Variants in PRKG1 observed in about 807,000 individuals in gnomAD.
PRKG1 encodes cGMP-dependent protein kinase 1.
A neutral mutation model predicts 88.1 loss-of-function variants in PRKG1; 35 were observed. The ratio of observed to expected loss-of-function variants is 0.40; its 90% CI spans 0.30 to 0.53. The LOEUF (loss-of-function observed/expected upper bound fraction) is 0.53. Among genes scored for constraint, PRKG1 ranks in the 20% least tolerant of loss-of-function variants. The pLI, the probability that PRKG1 is intolerant of heterozygous loss-of-function variation, is 0.59. For synonymous variants in PRKG1, 303 were observed against 292.5 expected, an observed-to-expected ratio of 1.04 and a Z score of -0.37; for missense variants, 540 against 839.8, an observed-to-expected ratio of 0.64 and a Z score of 4.41.
At chr10:52,031,443 T>A (rs922596322) in intron 5 of PRKG1, among the ~76,000 whole-genome samples, 1 of 152,190 alleles carries the variant, frequency 6.6e-6, no homozygotes, top group Non-Finnish European at 1.5e-5. Flanking sequence ...TTACTAACCA[T>A]AAACAGGGCT....
chr10:51,163,465 G>A (rs1388069651), intron 2 of PRKG1, among the ~76,000 whole-genome samples: 2 of 152,204 alleles, frequency 1.3e-5, no homozygotes, highest in African/African-American at 4.8e-5. Flanking sequence ...GAGCGACGCA[G>A]AAGACGGGTG....
intron 4 of PRKG1, among the ~76,000 whole-genome samples, chr10:51,827,761 T>C (rs1839912301): frequency 6.6e-6 from 1 of 152,170 alleles, no homozygotes; most frequent in Admixed American, 6.6e-5. Flanking sequence ...AACAAGGAAC[T>C]GGATCTGTCA....
intron 3 of PRKG1, among the ~76,000 whole-genome samples, chr10:51,798,207 T>C (rs532031873): frequency 6.6e-5 from 10 of 152,158 alleles, no homozygotes; most frequent in African/African-American, 1.9e-4. Context: ...ATGTTTAATT[T>C]TCTCAGGAAC....
chr10:51,041,762 G>A (rs1213177563), intron 1 of PRKG1, among the ~76,000 whole-genome samples: 1 of 152,160 alleles, frequency 6.6e-6, no homozygotes, highest in African/African-American at 2.4e-5. Context: ...AAATCAGAAT[G>A]TTACTGAGAA....
intron 3 of PRKG1, among the ~76,000 whole-genome samples, chr10:51,592,869 G>C (rs1014760528): frequency 9.2e-5 from 14 of 152,130 alleles, no homozygotes; most frequent in African/African-American, 3.1e-4. Flanking sequence ...CACAAGTATT[G>C]ACTAGTAAAT....
chr10:51,562,934 A>AT (rs1260246786), intron 3 of PRKG1, among the ~76,000 whole-genome samples: 8 of 121,766 alleles, frequency 6.6e-5, no homozygotes, highest in Admixed American at 3.4e-4. Context: ...ATGCCCAGCT[A>AT]TTTTTTTTAT....
intron 2 of PRKG1, among the ~76,000 whole-genome samples, chr10:51,414,290 G>A (rs1838180584): frequency 1.3e-5 from 2 of 152,214 alleles, no homozygotes; most frequent in South Asian, 4.1e-4. Context: ...GTAGGTCCAA[G>A]GGGACAAACA....
At chr10:51,504,810 C>T (rs532612865) in intron 3 of PRKG1, among the ~76,000 whole-genome samples, 1 of 152,152 alleles carries the variant, frequency 6.6e-6, no homozygotes, top group Admixed American at 6.6e-5. Context: ...GTGATTTTTG[C>T]ACATTGATTT....
intron 1 of PRKG1, among the ~76,000 whole-genome samples, chr10:51,113,663 A>G (rs1425052385): frequency 6.6e-6 from 1 of 151,460 alleles, no homozygotes; most frequent in Non-Finnish European, 1.5e-5. Context: ...GTTGTATATA[A>G]GTAGAAAGGA....
chr10:52,075,813 C>A (rs1348176559), intron 7 of PRKG1, among the ~76,000 whole-genome samples: 1 of 152,098 alleles, frequency 6.6e-6, no homozygotes, highest in Non-Finnish European at 1.5e-5. Context: ...TCAGTGAATT[C>A]ATGTAGAGAG....
At chr10:51,155,819 C>T (rs1846195290) in intron 2 of PRKG1, among the ~76,000 whole-genome samples, 1 of 151,848 alleles carries the variant, frequency 6.6e-6, no homozygotes, top group African/African-American at 2.4e-5. Context: ...GGATGAGGCT[C>T]GCCCACATTA....
intron 5 of PRKG1, among the ~76,000 whole-genome samples, chr10:51,992,478 G>GTAAGAACTA (rs1222390761): frequency 6.6e-6 from 1 of 151,986 alleles, no homozygotes; most frequent in Admixed American, 6.6e-5. Flanking sequence ...TAAGACCTCC[G>GTAAGAACTA]TAAGAACTAT....
intron 1 of PRKG1, among the ~76,000 whole-genome samples, chr10:51,050,249 G>C (rs755738965): frequency 6.6e-6 from 1 of 151,622 alleles, no homozygotes; most frequent in South Asian, 2.1e-4. Context: ...ACTATTCTGC[G>C]CCTCTAGACC....
At chr10:51,608,820 T>G (rs1453855519) in intron 3 of PRKG1, among the ~76,000 whole-genome samples, 1 of 152,192 alleles carries the variant, frequency 6.6e-6, no homozygotes, top group Non-Finnish European at 1.5e-5. Flanking sequence ...GGTGACATCT[T>G]GATGACCCTG....
chr10:51,318,553 G>A (rs1782396164), intron 2 of PRKG1, among the ~76,000 whole-genome samples: 1 of 152,096 alleles, frequency 6.6e-6, no homozygotes, highest in South Asian at 2.1e-4. Context: ...TACTGAAGAG[G>A]ATCACATAAA....
chr10:51,599,192 C>G (rs138949589), intron 3 of PRKG1, among the ~76,000 whole-genome samples: 376 of 152,150 alleles, frequency 2.5e-3, no homozygotes, highest in African/African-American at 8.5e-3. Flanking sequence ...TTTGGTTACC[C>G]TCTTCTCCCC....
At chr10:51,827,650 A>T (rs1589326787) in intron 4 of PRKG1, among the ~76,000 whole-genome samples, 1 of 152,242 alleles carries the variant, frequency 6.6e-6, no homozygotes, top group East Asian at 1.9e-4. Context: ...AAGATACATC[A>T]TGATGATTCT....
At chr10:52,274,682 T>A (rs1841825342) in intron 12 of PRKG1, among the ~76,000 whole-genome samples, 1 of 152,054 alleles carries the variant, frequency 6.6e-6, no homozygotes, top group Non-Finnish European at 1.5e-5. Flanking sequence ...TATGCAAGTA[T>A]CTTTTTTGAA....
At chr10:51,484,276 C>T (rs906491300) in intron 3 of PRKG1, among the ~76,000 whole-genome samples, 5 of 152,058 alleles carry the variant, frequency 3.3e-5, no homozygotes, top group South Asian at 2.1e-4. Flanking sequence ...TAGCAGTTTC[C>T]GCGTAATAAA....
Sources: allele counts gnomAD v4.1 joint callset (sites outside exome capture counted in the v4.1 genomes callset), GRCh38; gene constraint gnomAD v4.1.1; transcripts MANE v1.5; gene names NCBI Gene and HGNC (gene_info 2026-07-23, HGNC 2026-07-21).